The following TNIK variants were observed in gnomAD, a reference collection of about 807,000 sequenced individuals.
TNIK encodes the protein TRAF2 and NCK interacting kinase.
TNIK carries 49 observed loss-of-function variants against 191.3 expected under a neutral mutation model. The observed-to-expected ratio is 0.26, with a 90% CI of 0.20 to 0.32. TNIK has a LOEUF of 0.32. Among genes scored for constraint, TNIK ranks in the 10% least tolerant of loss-of-function variants. The pLI is 1.00. For missense variants in TNIK, 1,155 were observed against 1,702.3 expected, an observed-to-expected ratio of 0.68 and a Z score of 5.66; for synonymous variants, 594 against 600.9, an observed-to-expected ratio of 0.99 and a Z score of 0.17.
intron 4 of TNIK, among the ~76,000 whole-genome samples, chr3:171,195,125 A>T (rs1738534498): frequency 6.6e-6 from 1 of 152,196 alleles, no homozygotes; most frequent in African/African-American, 2.4e-5. Flanking sequence ...AACTTCAGCG[A>T]ATGTTCCCAG....
chr3:171,231,323 T>G (rs950701260), intron 2 of TNIK, among the ~76,000 whole-genome samples: 39 of 152,156 alleles, frequency 2.6e-4, no homozygotes, highest in African/African-American at 8.4e-4. Flanking sequence ...TTTTGTTTTT[T>G]TTTTTGTTTT....
At chr3:171,109,468 A>T (rs1050062084) in intron 19 of TNIK, among the ~76,000 whole-genome samples, 2 of 152,240 alleles carry the variant, frequency 1.3e-5, no homozygotes, top group African/African-American at 2.4e-5. Context: ...AGACGTGAAC[A>T]TCAATCACAT....
intron 1 of TNIK, among the ~76,000 whole-genome samples, chr3:171,393,343 C>A (rs1386977505): frequency 6.6e-6 from 1 of 152,170 alleles, no homozygotes; most frequent in Admixed American, 6.5e-5. Flanking sequence ...GGAAAACAGA[C>A]AAGAAAGGCC....
intron 21 of TNIK, among the ~76,000 whole-genome samples, chr3:171,104,706 A>G (rs995021663): frequency 6.6e-6 from 1 of 152,014 alleles, no homozygotes; most frequent in Non-Finnish European, 1.5e-5. Flanking sequence ...AAAAATTTTT[A>G]GCTTTTTTTT....
chr3:171,274,824 A>G (rs1356094662), intron 2 of TNIK, among the ~76,000 whole-genome samples: 1 of 152,234 alleles, frequency 6.6e-6, no homozygotes, highest in Non-Finnish European at 1.5e-5. Flanking sequence ...TCTTTCTAAA[A>G]GAGACAAAAT....
intron 28 of TNIK, among the ~76,000 whole-genome samples, chr3:171,072,430 A>G (rs751522583): frequency 6.6e-5 from 10 of 152,122 alleles, no homozygotes; most frequent in Non-Finnish European, 1.2e-4. Context: ...GAAGGAACAT[A>G]CCTCAAAATA....
intron 10 of TNIK, 87 bp from the exon 11 acceptor site, chr3:171,161,423 G>C: frequency 8.4e-7 from 1 of 1,186,760 alleles, no homozygotes; most frequent in Non-Finnish European, 1.2e-6. Context: ...TAAATAAATA[G>C]ACACCCAAAG....
chr3:171,216,665 A>G (rs1741487257), intron 3 of TNIK, among the ~76,000 whole-genome samples: 1 of 152,180 alleles, frequency 6.6e-6, no homozygotes, highest in South Asian at 2.1e-4. Flanking sequence ...AGTTTATTAT[A>G]TGTTAAAATA....
At chr3:171,106,281 G>A (rs913676745) in intron 21 of TNIK, among the ~76,000 whole-genome samples, 1 of 152,192 alleles carries the variant, frequency 6.6e-6, no homozygotes, top group Non-Finnish European at 1.5e-5. Context: ...TCTTGTAAGT[G>A]GGATGGGGAG....
chr3:171,143,035 C>T (rs1731063134), intron 12 of TNIK, among the ~76,000 whole-genome samples: 3 of 152,146 alleles, frequency 2.0e-5, no homozygotes, highest in Non-Finnish European at 4.4e-5. Context: ...GTATTGATTG[C>T]AACTCAAGAG....
rs983051127 is a variant in TNIK at position 171,059,145 on chromosome 3, C to G, written c.*4736G>C. 3.9e-5 allele frequency among the ~76,000 whole-genome samples: 6 copies of G among 152,198 alleles called. No homozygotes were observed. The highest frequency in any genetic ancestry group is 1.4e-4 in the African/African-American group (6 of 41,460). ...ATAAACCATTAAAACCAAACCCTAT[C>G]ATGCAAGGAGTGAGTTTGAAGATAT... On this transcript the variant is annotated 3_prime_UTR_variant, in exon 33 of 33. Transcript: ENST00000436636.
At position 171,460,010 on chromosome 3, in the gene TNIK, C is replaced by G. The variant is rs779948762; in HGVS notation, c.54G>C (p.Leu18=). 1 of 1,608,912 alleles carries G rather than the reference C, an allele frequency of 6.2e-7. No individual in the cohort carries two copies. The highest frequency in any genetic ancestry group is 1.1e-5 in the South Asian group (1 of 89,654). ...RSLDEIDLSA[L]RDPAGIFELV... is the part of the protein sequence containing the mutation. The stretch of plus-strand genomic sequence containing the variant: ...AACCAGAAAACGTCCTGCTCACCCT[C>G]AGAGCCGAGAGATCTATTTCATCCA... The change falls in exon 1 of 33, where the codon CTG becomes CTC. Residue 18 remains leucine (L), a synonymous_variant. Coordinates refer to ENST00000436636, the MANE Select transcript of TNIK (RefSeq NM_015028.4). The surrounding 1 kb of genome is among the most constrained non-coding windows in gnomAD (Gnocchi z 6.8).
chr3:171,361,040 A>T (rs1225944179), intron 2 of TNIK, among the ~76,000 whole-genome samples: 1 of 152,156 alleles, frequency 6.6e-6, no homozygotes, highest in Non-Finnish European at 1.5e-5. Context: ...AGGTAAACAA[A>T]ACCCCAAGAT....
In TNIK at chr3:171,371,798, G is replaced by C. The variant is rs556486849; in HGVS notation, c.58-2113C>G. Among the ~76,000 whole-genome samples, 6 of 152,286 alleles carry C rather than the reference G, an allele frequency of 3.9e-5. No homozygotes were observed. The South Asian group carries it at 1.2e-3, about 32-fold the overall frequency. On this transcript the variant is annotated intron_variant, in intron 1 of 32. Coordinates refer to ENST00000436636, the MANE Select transcript of TNIK (RefSeq NM_015028.4). ...AAGAAAAAAAAAGCCCATAAATGGT[G>C]GCAGCTGCTGTTTGTTTCTAAGCTG...
intron 12 of TNIK, among the ~76,000 whole-genome samples, chr3:171,145,002 A>G (rs1350707228): frequency 2.0e-5 from 3 of 152,064 alleles, no homozygotes; most frequent in Admixed American, 6.6e-5. Context: ...TTATTCACGC[A>G]TCCACTGATG....
chr3:171,264,294 T>C (rs1461349791), intron 2 of TNIK, among the ~76,000 whole-genome samples: 1 of 150,944 alleles, frequency 6.6e-6, no homozygotes, highest in East Asian at 2.0e-4. Flanking sequence ...TTATACATCA[T>C]TGCATATAGA....
intron 2 of TNIK, among the ~76,000 whole-genome samples, chr3:171,342,082 G>A (rs1010187590): frequency 3.3e-5 from 5 of 152,182 alleles, no homozygotes; most frequent in Non-Finnish European, 5.9e-5. Flanking sequence ...AAGATCCATT[G>A]AGTTTGGCCT....
chr3:171,451,119 G>A (rs1397127706), intron 1 of TNIK, among the ~76,000 whole-genome samples: 1 of 152,192 alleles, frequency 6.6e-6, no homozygotes, highest in Admixed American at 6.5e-5. Flanking sequence ...CCTTCGAAAT[G>A]AATAGGGCTG....
chr3:171,413,102 C>T (rs753277899), intron 1 of TNIK, among the ~76,000 whole-genome samples: 40 of 152,316 alleles, frequency 2.6e-4, no homozygotes, highest in Non-Finnish European at 5.4e-4. Context: ...CTCAGGGAAA[C>T]AATGTGCATT....
Sources: gnomAD v4.1 joint callset for allele counts (sites outside exome capture counted in the v4.1 genomes callset) on GRCh38, gnomAD v4.1.1 for gene constraint, Gnocchi (gnomAD v3.1) non-coding constraint, MANE v1.5 for transcripts, NCBI Gene and HGNC (gene_info 2026-07-23, HGNC 2026-07-21) for gene names.